Variants in COL5A3 observed in about 807,000 individuals in gnomAD.
The protein encoded by COL5A3 is collagen type V alpha 3 chain.
A neutral mutation model predicts 250.0 loss-of-function variants in COL5A3; 172 were observed. The observed-to-expected ratio is 0.69, with a 90% confidence interval of 0.61 to 0.78. The LOEUF is 0.78. Ranked by LOEUF, COL5A3 falls within the 30% of genes least tolerant of loss-of-function variation. The probability of loss-of-function intolerance (pLI) is 0.00; values close to 1 mark genes in which losing one functional copy is unlikely to be tolerated. For synonymous variants in COL5A3, 937 were observed against 900.4 expected (o/e 1.04, Z -0.73); for missense variants, 2,340 against 2,334.4 (o/e 1.00, Z -0.05).
chr19:9,992,083 C>A (rs2087201659), intron 21 of COL5A3, 35 bp from the exon 22 acceptor site: 8 of 1,605,476 alleles, frequency 5.0e-6, no homozygotes, highest in Non-Finnish European at 6.8e-6. Context: ...CAAGACAGAG[C>A]AACAAGCTGG....
chr19:9,962,331 C>T lies in COL5A3; in HGVS notation c.4851+488G>A, dbSNP rs990284049. On this transcript the variant is annotated intron_variant, in intron 65 of 66. Coordinates refer to ENST00000264828, the MANE Select transcript of COL5A3 (RefSeq NM_015719.4). ...CAATGTTGGCCAGGCTGGTCTTGAA[C>T]TCCTGACCTCAGGTGATCCGCCTAC... 2.0e-5 allele frequency among the ~76,000 whole-genome samples: 3 copies of T among 152,258 alleles called. No individual in the cohort carries two copies. In the South Asian group the frequency reaches 6.2e-4, roughly 32 times the overall value.
chr19:10,002,751 C>T lies in COL5A3; in HGVS notation c.849+814G>A, dbSNP rs117381790. Among the ~76,000 whole-genome samples, 84 of 152,192 alleles carry T rather than the reference C, an allele frequency of 5.5e-4. No individual in the cohort carries two copies. In the East Asian group the frequency reaches 0.015, roughly 28 times the overall value. ...TACCCATAAATGAGCGCAACAAAAG[C>T]GTCCTAACCAATGACCCCCAAATAG... On this transcript the variant is annotated intron_variant, in intron 6 of 66. Transcript: ENST00000264828.
Position 9,996,118 on chromosome 19 carries a change from C to A in COL5A3, c.1481G>T (p.Gly494Val). The change falls in exon 15 of 67, where the codon GGT (glycine) becomes GTT (valine). Residue 494 changes from glycine to valine, a missense_variant and splice_region_variant. Transcript: ENST00000264828. Reference sequence around the variant, plus strand: ...TTTCAGACCTGGATGCCCGGGGAGACCCTTGGGGGAGGAGAGATGGAGGAG... The same window carrying A: ...TTTCAGACCTGGATGCCCGGGGAGAACCTTGGGGGAGGAGAGATGGAGGAG... ...VGLTGRPGPV[G>V]LPGHPGLKGE... 1.9e-6 allele frequency: 3 copies of A among 1,578,474 alleles called. No individual in the cohort carries two copies. The highest frequency in any genetic ancestry group is 2.6e-6 in the Non-Finnish European group (3 of 1,163,860).
intron 1 of COL5A3, among the ~76,000 whole-genome samples, chr19:10,008,445 T>TGGG (rs113147580): frequency 7.1e-4 from 106 of 148,472 alleles, no homozygotes; most frequent in Admixed American, 2.9e-3. Context: ...GGACAAGGGG[T>TGGG]GGGGGGGTCT....
chr19:9,983,521 AAAAGAAAGAAGAAAGAAAG>A (rs1395024877), intron 31 of COL5A3, among the ~76,000 whole-genome samples: 18 of 115,848 alleles, frequency 1.6e-4, no homozygotes, highest in Non-Finnish European at 3.1e-4. Context: ...CAAGCAAGCA[AAAAGAAAGAAGAAAGAAAG>A]AAAGAAAGAA....
In COL5A3 at chr19:9,977,575, G is replaced by A; in HGVS notation, c.3126+19C>T. 1.9e-6 allele frequency: 3 copies of A among 1,556,406 alleles called. No homozygotes were observed. The highest frequency in any genetic ancestry group is 2.6e-6 in the Non-Finnish European group (3 of 1,150,292). On this transcript the variant is annotated intron_variant, in intron 42 of 66. Coordinates refer to ENST00000264828, the MANE Select transcript of COL5A3 (RefSeq NM_015719.4). ...AGACCCTGAGGAGGCCCTAGGAATGGGATGGGCAAGTCACTTACCCGGGAC... is the reference window on the plus strand; with the variant it reads ...AGACCCTGAGGAGGCCCTAGGAATGAGATGGGCAAGTCACTTACCCGGGAC...
At chr19:9,961,382 A>C (rs2086670007) in intron 65 of COL5A3, among the ~76,000 whole-genome samples, 1 of 151,662 alleles carries the variant, frequency 6.6e-6, no homozygotes, top group South Asian at 2.1e-4. Flanking sequence ...TTGGGGGGTA[A>C]GGGTTGGGAT....
chr19:9,960,238 C>T lies in COL5A3; in HGVS notation c.*173G>A. ...GAGGCTGGACCCTTGGGCCAGGGAA[C>T]CCCAGCCCCCAGCACCCTGGAAAGG... On this transcript the variant is annotated 3_prime_UTR_variant, in exon 67 of 67. Transcript: ENST00000264828. The T allele has an allele frequency of 2.5e-6, 2 of 794,086 alleles. No individual in the cohort carries two copies. Among genetic ancestry groups the T allele is most frequent in the East Asian group, 2.7e-5 (1 of 37,088 alleles). The allele number at this position is 794,086 out of a possible 1,614,324, so 49.2% of individuals were successfully genotyped here. A position where few individuals can be genotyped will look rare whatever the true frequency, so the allele number is the denominator to read the frequency against.
At chr19:9,983,092 C>A (rs916968717) in intron 31 of COL5A3, among the ~76,000 whole-genome samples, 1 of 152,004 alleles carries the variant, frequency 6.6e-6, no homozygotes, top group African/African-American at 2.4e-5. Flanking sequence ...AACTCCCGGC[C>A]TCTAGTGATT....
rs759399837 is a variant in COL5A3, at chr19:9,974,403, T to G, written c.3348A>C (p.Ala1116=). ...GPAGHPGPPG[A]DGAQGRRGPP... ...GTCCCCGGCGCCCCTGAGCCCCGTC[T>G]GCTCCCTGGAAGAACACAAACAGGG... Residue 1116 remains alanine, a synonymous_variant, in exon 46 of 67, where the codon GCA becomes GCC. Transcript: ENST00000264828. 1 of 1,592,996 alleles carries G rather than the reference T, an allele frequency of 6.3e-7. No homozygotes were observed. The highest frequency in any genetic ancestry group is 1.1e-5 in the South Asian group (1 of 87,528).
intron 5 of COL5A3, 117 bp downstream of exon 5, chr19:10,003,924 T>A: frequency 1.9e-6 from 2 of 1,042,952 alleles, no homozygotes; most frequent in Non-Finnish European, 2.9e-6. Context: ...GTGTTGGAGG[T>A]CACGGGTCAC....
chr19:9,999,347 C>T (rs1453303888), intron 8 of COL5A3, among the ~76,000 whole-genome samples: 1 of 150,400 alleles, frequency 6.6e-6, no homozygotes, highest in African/African-American at 2.5e-5. Context: ...GCACACAGCA[C>T]CATGCCCAGC....
chr19:9,960,541 G>A lies in COL5A3; in HGVS notation c.5108C>T (p.Thr1703Met), dbSNP rs202016864. Residue 1703 changes from threonine (T) to methionine (M), a missense_variant, in exon 67 of 67, where the codon ACG becomes ATG. Physicochemically the swap from Thr to Met is moderately conservative, Grantham distance 81. Transcript: ENST00000264828. ...AGAGCTGAATTCGAAAAGGGTCTTC[G>A]TCTGTCCTTTCCGGAGCTGTCCCCA... ...QDGCRLRKGQTKTLFEFSSSR... is the reference protein window; with the variant it reads ...QDGCRLRKGQMKTLFEFSSSR... 76 of 1,614,042 alleles carry A rather than the reference G, an allele frequency of 4.7e-5. No homozygotes were observed. The East Asian group carries it at 1.2e-3, about 25-fold the overall frequency.
At position 9,968,228 on chromosome 19, in the gene COL5A3, G is replaced by A. The variant is rs766436280; in HGVS notation, c.4315-149C>T. ...CACAGAGAGACCCCAAACCCCAGAC[G>A]CAGCCTCCAACTTGCCAGTTCCCAG... On this transcript the variant is annotated intron_variant, in intron 59 of 66. Coordinates refer to ENST00000264828, the MANE Select transcript of COL5A3 (RefSeq NM_015719.4). This position sits in a 1 kb window ranked among gnomAD's most constrained non-coding sequence, Gnocchi z 4.1. The A allele has an allele frequency of 1.6e-4, 155 of 977,270 alleles. No homozygotes were observed. The highest frequency in any genetic ancestry group is 2.0e-4 in the Non-Finnish European group (132 of 655,370). The allele number at this position is 977,270 out of a possible 1,614,324, so 60.5% of individuals were successfully genotyped here.
chr19:9,979,721 G>A lies in COL5A3; in HGVS notation c.2712+118C>T, dbSNP rs915447474. 1.0e-5 allele frequency: 10 copies of A among 990,906 alleles called. No homozygotes were observed. In the African/African-American group the frequency reaches 1.3e-4, roughly 13 times the overall value. 61.4% of individuals were successfully genotyped at this position (990,906 alleles called of 1,614,324 possible). On this transcript the variant is annotated intron_variant, in intron 37 of 66. Coordinates refer to ENST00000264828, the MANE Select transcript of COL5A3 (RefSeq NM_015719.4). ...GAATTGCTTGAACCTGGGAGGCAAA[G>A]GTTGCAGTGAGCCGAGATTGCCCCA...
At position 9,997,398 on chromosome 19, in the gene COL5A3, T is replaced by TG. The variant is rs755229743; in HGVS notation, c.1235dup (p.Gly413ArgfsTer21). On this transcript the variant is annotated frameshift_variant, in exon 11 of 67. Coordinates refer to ENST00000264828, the MANE Select transcript of COL5A3 (RefSeq NM_015719.4). LOFTEE classifies it high-confidence loss of function. ...GTGGACCAGGGTCGCCAGGGAATCC[T>TG]GGGGGGCCGGGAGGGCCTGAGGGGC... 1 of 1,610,394 alleles carries TG rather than the reference T, an allele frequency of 6.2e-7. No homozygotes were observed. Among genetic ancestry groups the TG allele is most frequent in the East Asian group, 2.2e-5 (1 of 44,806 alleles).
chr19:9,977,947 C>CATATATATATATATATATATAT (rs372091609), intron 41 of COL5A3, among the ~76,000 whole-genome samples: 16 of 106,154 alleles, frequency 1.5e-4, no homozygotes, highest in African/African-American at 2.8e-4. Context: ...GCAGCCTATA[C>CATATATATATATATATATATAT]ATATATATAT....
At chr19:10,010,214 CCCT>C in intron 1 of COL5A3, 81 bp downstream of exon 1, 2 of 953,452 alleles carry the variant, frequency 2.1e-6, no homozygotes, top group Non-Finnish European at 2.8e-6. Flanking sequence ...CCCTCCACGC[CCCT>C]CCACCCCCCT....
intron 34 of COL5A3, 45 bp from the exon 35 acceptor site, chr19:9,980,737 T>C (rs2145094608): frequency 6.2e-7 from 1 of 1,613,844 alleles, no homozygotes; most frequent in Non-Finnish European, 8.5e-7. Flanking sequence ...CAAACTCAAC[T>C]GGGAAGAATT....
Sources: allele counts gnomAD v4.1 joint callset (sites outside exome capture counted in the v4.1 genomes callset), GRCh38; gene constraint gnomAD v4.1.1; non-coding constraint Gnocchi (gnomAD v3.1); transcripts MANE v1.5; gene names NCBI Gene and HGNC (gene_info 2026-07-23, HGNC 2026-07-21).